Variants in NPRL3 observed in about 807,000 individuals in gnomAD.
NPRL3 encodes GATOR1 complex protein NPRL3.
Under a neutral mutation model 57.2 loss-of-function variants are expected in NPRL3, and 23 were observed. The observed-to-expected ratio is 0.40, with a 90% CI of 0.29 to 0.57. The LOEUF (loss-of-function observed/expected upper bound fraction) is 0.57. Ranked by LOEUF, NPRL3 falls within the 20% of genes least tolerant of loss-of-function variation. NPRL3 has a pLI of 0.42. For synonymous variants in NPRL3, 333 were observed against 321.1 expected, an observed-to-expected ratio of 1.04 and a Z score of -0.39; for missense variants, 691 against 767.1, an observed-to-expected ratio of 0.90 and a Z score of 1.17.
chr16:87,868 CTTTTTTT>C (rs35061088), intron 13 of NPRL3, among the ~76,000 whole-genome samples: 1 of 137,544 alleles, frequency 7.3e-6, no homozygotes, highest in East Asian at 2.2e-4. Flanking sequence ...CCGCGCCTGA[CTTTTTTT>C]TTTTTTTTTT....
intron 5 of NPRL3, among the ~76,000 whole-genome samples, chr16:115,409 A>G (rs1248567408): frequency 2.0e-5 from 3 of 152,216 alleles, no homozygotes; most frequent in Non-Finnish European, 4.4e-5. Flanking sequence ...CAAAAAATAC[A>G]AACTCTTTAC....
intron 5 of NPRL3, among the ~76,000 whole-genome samples, chr16:114,832 G>A (rs974673477): frequency 1.3e-5 from 2 of 152,038 alleles, no homozygotes; most frequent in African/African-American, 4.8e-5. Flanking sequence ...CAGACATAAG[G>A]TCTGGGACTT....
intron 4 of NPRL3, among the ~76,000 whole-genome samples, chr16:117,760 G>C (rs1185950627): frequency 6.6e-6 from 1 of 152,232 alleles, no homozygotes; most frequent in Non-Finnish European, 1.5e-5. Context: ...GGGACAGGAC[G>C]ATGTTCAGGG....
intron 10 of NPRL3, 32 bp from the exon 11 acceptor site, chr16:92,757 G>GCT: frequency 6.2e-7 from 1 of 1,610,268 alleles, no homozygotes; most frequent in East Asian, 2.2e-5. Context: ...AGTGAGTGCA[G>GCT]CAGACCCCCC....
In NPRL3 at chr16:86,376, ACGC is replaced by A; in HGVS notation, c.*326_*328del. 3.4e-6 allele frequency: 1 copy of A among 298,210 alleles called. No individual in the cohort carries two copies. Among genetic ancestry groups the A allele is most frequent in the South Asian group, 6.6e-5 (1 of 15,198 alleles). 18.5% of individuals were successfully genotyped at this position (298,210 alleles called of 1,614,324 possible). A position where few individuals can be genotyped will look rare whatever the true frequency, so the allele number is the denominator to read the frequency against. On this transcript the variant is annotated 3_prime_UTR_variant, in exon 14 of 14. Coordinates refer to ENST00000611875, the MANE Select transcript of NPRL3 (RefSeq NM_001077350.3). ...TAGGGACAGAAGGAGGGTCTGAGAA[ACGC>A]ACAGCCCACATGGGCCTTGAAGGAT...
chr16:123,380 G>A (rs1185357984), intron 3 of NPRL3: 2 of 417,232 alleles, frequency 4.8e-6, no homozygotes, highest in African/African-American at 4.1e-5. Context: ...GGGGCAGTGA[G>A]GTCCACGCCT....
intron 7 of NPRL3, among the ~76,000 whole-genome samples, chr16:103,231 T>C (rs1401116339): frequency 1.4e-5 from 2 of 143,224 alleles, no homozygotes; most frequent in Non-Finnish European, 3.0e-5. Flanking sequence ...AGCCTTGATC[T>C]CCCAGGCTCA....
chr16:92,422 G>T (rs1461553438), intron 11 of NPRL3, among the ~76,000 whole-genome samples, 174 bp downstream of exon 11: 2 of 152,184 alleles, frequency 1.3e-5, no homozygotes, highest in Non-Finnish European at 2.9e-5. Context: ...AGGTGGCCCG[G>T]CAGCTGACTT....
chr16:134,694 ATTTTTTTTTTT>A (rs34425237), intron 2 of NPRL3, among the ~76,000 whole-genome samples: 1 of 103,426 alleles, frequency 9.7e-6, no homozygotes, highest in Non-Finnish European at 2.0e-5. Flanking sequence ...AATTATTATT[ATTTTTTTTTTT>A]TTTTTTTTTT....
intron 3 of NPRL3, among the ~76,000 whole-genome samples, chr16:121,363 C>A (rs1900270585): frequency 6.6e-6 from 1 of 152,182 alleles, no homozygotes; most frequent in South Asian, 2.1e-4. Flanking sequence ...TGGCTCACAC[C>A]TGTCATCCCA....
intron 2 of NPRL3, among the ~76,000 whole-genome samples, chr16:137,844 C>T (rs1049528264): frequency 6.6e-6 from 1 of 152,086 alleles, no homozygotes; most frequent in Non-Finnish European, 1.5e-5. Context: ...GGATTACCGC[C>T]ACCGGCCTTG....
At chr16:134,694 A>ATTATTATTATTATTTTTT (rs1346965930) in intron 2 of NPRL3, among the ~76,000 whole-genome samples, 1 of 103,412 alleles carries the variant, frequency 9.7e-6, no homozygotes, top group African/African-American at 3.4e-5. Flanking sequence ...AATTATTATT[A>ATTATTATTATTATTTTTT]TTTTTTTTTT....
At chr16:99,978 G>GA (rs1329992690) in intron 8 of NPRL3, among the ~76,000 whole-genome samples, 1 of 108,306 alleles carries the variant, frequency 9.2e-6, no homozygotes, top group African/African-American at 4.6e-5. Context: ...AAAAAAAAAA[G>GA]AAAAAGAAAA....
intron 2 of NPRL3, 44 bp from the exon 3 acceptor site, chr16:130,635 C>A: frequency 6.5e-7 from 1 of 1,536,914 alleles, no homozygotes; most frequent in Non-Finnish European, 8.8e-7. Flanking sequence ...AAAACAGGGT[C>A]CTTCCACACA....
At chr16:97,862 G>T (rs1219300231) in intron 9 of NPRL3, among the ~76,000 whole-genome samples, 1 of 152,106 alleles carries the variant, frequency 6.6e-6, no homozygotes, top group Admixed American at 6.5e-5. Flanking sequence ...CAACCTCCAG[G>T]ACTGCAAGCA....
At chr16:107,594 C>CAA (rs11309723) in intron 7 of NPRL3, among the ~76,000 whole-genome samples, 50 of 130,674 alleles carry the variant, frequency 3.8e-4, no homozygotes, top group Admixed American at 6.8e-4. Context: ...TATTCCATCT[C>CAA]AAAAAAAAAA....
chr16:92,776 T>C, intron 10 of NPRL3, 51 bp from the exon 11 acceptor site: 1 of 1,603,622 alleles, frequency 6.2e-7, no homozygotes, highest in Non-Finnish European at 8.5e-7. Context: ...CCCACCGTGT[T>C]CTCAACACTG....
intron 10 of NPRL3, 63 bp downstream of exon 10, chr16:93,156 G>A: frequency 9.5e-7 from 1 of 1,050,312 alleles, no homozygotes; most frequent in Non-Finnish European, 1.4e-6. Context: ...GCATCTGGAG[G>A]GCCCTGCCAG....
At chr16:123,273 A>C (rs993555001) in intron 3 of NPRL3, among the ~76,000 whole-genome samples, 1 of 152,134 alleles carries the variant, frequency 6.6e-6, no homozygotes, top group African/African-American at 2.4e-5. Context: ...GGTGCCAGCC[A>C]GCCATGCCTT....
Sources: gnomAD v4.1 joint callset for allele counts (sites outside exome capture counted in the v4.1 genomes callset) on GRCh38, gnomAD v4.1.1 for gene constraint, MANE v1.5 for transcripts, NCBI Gene and HGNC (gene_info 2026-07-23, HGNC 2026-07-21) for gene names.